The following VTI1A variants were observed in gnomAD, a reference collection of about 807,000 sequenced individuals.
The protein encoded by VTI1A is vesicle transport through interaction with t-SNAREs 1A.
Under a neutral mutation model 34.9 loss-of-function variants are expected in VTI1A, and 22 were observed. That is an observed-to-expected ratio of 0.63 (90% CI 0.45 to 0.90). The LOEUF (loss-of-function observed/expected upper bound fraction) is 0.90, where lower values mean the gene tolerates loss of function less well. Among genes scored for constraint, VTI1A ranks in the 40% least tolerant of loss-of-function variants. VTI1A has a pLI of 0.00. For missense variants in VTI1A, 268 were observed against 275.6 expected (o/e 0.97, Z 0.20); for synonymous variants, 87 against 97.3 (o/e 0.89, Z 0.62).
chr10:112,741,501 C>G (rs572588365), intron 7 of VTI1A, among the ~76,000 whole-genome samples: 2 of 152,166 alleles, frequency 1.3e-5, no homozygotes, highest in African/African-American at 4.8e-5. Context: ...TGATGAAAGT[C>G]TTCTAAAATT....
the VTI1A span, among the ~76,000 whole-genome samples, chr10:112,833,470 A>AGG: frequency 6.6e-6 from 1 of 151,970 alleles, no homozygotes; most frequent in Non-Finnish European, 1.5e-5. Flanking sequence ...GAAGACTCCT[A>AGG]AGTTCTGGCC....
chr10:112,733,607 A>G (rs539289647), intron 7 of VTI1A, among the ~76,000 whole-genome samples: 1 of 152,222 alleles, frequency 6.6e-6, no homozygotes, highest in African/African-American at 2.4e-5. Flanking sequence ...TGTCATCATC[A>G]TCTATGGAAG....
intron 4 of VTI1A, among the ~76,000 whole-genome samples, chr10:112,531,061 C>CCACACACACACACACACACACA (rs748909123): frequency 1.1e-5 from 1 of 90,240 alleles, no homozygotes; most frequent in Admixed American, 1.2e-4. Context: ...ACGTGACACA[C>CCACACACACACACACACACACA]CTCACACACA....
intron 5 of VTI1A, among the ~76,000 whole-genome samples, chr10:112,595,568 T>C (rs200128986): frequency 6.6e-6 from 1 of 151,872 alleles, no homozygotes; most frequent in South Asian, 2.1e-4. Context: ...AAAATGCTCA[T>C]TATCACTGGC....
chr10:112,545,013 G>A (rs1328705241), intron 5 of VTI1A, among the ~76,000 whole-genome samples: 1 of 152,198 alleles, frequency 6.6e-6, no homozygotes, highest in Non-Finnish European at 1.5e-5. Context: ...GGAGAACAGG[G>A]ATTGGAGTGG....
chr10:112,722,251 A>G (rs563675412), intron 7 of VTI1A, among the ~76,000 whole-genome samples: 5 of 152,294 alleles, frequency 3.3e-5, no homozygotes, highest in East Asian at 1.9e-4. Flanking sequence ...AGATTTGACT[A>G]TCGCAAGGAC....
chr10:112,560,252 G>T (rs1373453774), intron 5 of VTI1A, among the ~76,000 whole-genome samples: 1 of 152,084 alleles, frequency 6.6e-6, no homozygotes, highest in Admixed American at 6.6e-5. Flanking sequence ...ACTTACTAGG[G>T]TTTTTTTAAA....
At chr10:112,692,663 A>G (rs539502686) in intron 7 of VTI1A, among the ~76,000 whole-genome samples, 3 of 152,164 alleles carry the variant, frequency 2.0e-5, no homozygotes, top group Non-Finnish European at 4.4e-5. Context: ...GCTTTATCGC[A>G]CAGAGTATTG....
intron 3 of VTI1A, among the ~76,000 whole-genome samples, chr10:112,467,433 A>C (rs1847932947): frequency 6.6e-6 from 1 of 152,174 alleles, no homozygotes; most frequent in Non-Finnish European, 1.5e-5. Context: ...GCTACACATA[A>C]AATATCCTAA....
At chr10:112,649,091 T>A (rs1846911470) in intron 5 of VTI1A, among the ~76,000 whole-genome samples, 1 of 152,168 alleles carries the variant, frequency 6.6e-6, no homozygotes, top group Admixed American at 6.6e-5. Context: ...TAATAAAGAT[T>A]TGTCTTAATC....
intron 5 of VTI1A, among the ~76,000 whole-genome samples, chr10:112,588,421 T>C (rs1356563729): frequency 1.3e-5 from 2 of 152,204 alleles, no homozygotes; most frequent in African/African-American, 4.8e-5. Context: ...CACAGTAGTA[T>C]ATTTGTAGGA....
At position 112,818,537 on chromosome 10, in the gene VTI1A, A is replaced by G; in HGVS notation, c.*3154A>G. ...AGGAAAACAGCCTGCCTGCTGCTGTATTTGAAGTTGTAATGGTGTCAAAAA... is the reference window on the plus strand; with the variant it reads ...AGGAAAACAGCCTGCCTGCTGCTGTGTTTGAAGTTGTAATGGTGTCAAAAA... On this transcript the variant is annotated 3_prime_UTR_variant, in exon 8 of 8. Transcript: ENST00000393077. 1 of 225,952 alleles carries G rather than the reference A, an allele frequency of 4.4e-6. No individual in the cohort carries two copies. The highest frequency in any genetic ancestry group is 6.4e-5 in the East Asian group (1 of 15,636). The allele number at this position is 225,952 out of a possible 1,614,324, so 14.0% of individuals were successfully genotyped here. A position where few individuals can be genotyped will look rare whatever the true frequency, so the allele number is the denominator to read the frequency against.
chr10:112,463,627 TAAA>T (rs77183033), intron 2 of VTI1A, among the ~76,000 whole-genome samples: 2 of 144,154 alleles, frequency 1.4e-5, no homozygotes, highest in African/African-American at 2.5e-5. Flanking sequence ...AGCAGGTTGT[TAAA>T]AAAAAAAAAA....
chr10:112,572,826 G>T (rs1359832441), intron 5 of VTI1A, among the ~76,000 whole-genome samples: 1 of 139,598 alleles, frequency 7.2e-6, no homozygotes, highest in Admixed American at 7.5e-5. Context: ...GCGACAGAGC[G>T]AGACTCCGTC....
rs12242366 is a variant in VTI1A, at chr10:112,691,088, G to T, written c.560+22090G>T. On this transcript the variant is annotated intron_variant, in intron 7 of 7. Transcript: ENST00000393077. ...TTCAAGAACAGGCTGGCGAAACCCC[G>T]TCTCTACTAAAAATACAAAAAAATT... Among the ~76,000 whole-genome samples the T allele has an allele frequency of 6.4e-3, 971 of 151,894 alleles. 13 individuals are homozygous for T. The highest frequency in any genetic ancestry group is 0.023 in the African/African-American group (942 of 41,428).
intron 7 of VTI1A, among the ~76,000 whole-genome samples, chr10:112,715,234 T>C (rs1849565051): frequency 6.6e-6 from 1 of 152,204 alleles, no homozygotes; most frequent in Non-Finnish European, 1.5e-5. Context: ...TGAATTTTAA[T>C]ACTTCCTGAA....
At chr10:112,795,589 C>T (rs915857608) in intron 7 of VTI1A, among the ~76,000 whole-genome samples, 14 of 151,918 alleles carry the variant, frequency 9.2e-5, no homozygotes, top group African/African-American at 2.2e-4. Context: ...CATGTGCCAG[C>T]GCACCCAGCT....
Position 112,596,562 on chromosome 10 carries a change from A to G in VTI1A, c.427+58232A>G, listed in dbSNP as rs1346201856. 2.6e-5 allele frequency among the ~76,000 whole-genome samples: 4 copies of G among 152,272 alleles called. 1 individual carries two copies. In the South Asian group the frequency reaches 8.3e-4, roughly 32 times the overall value. On this transcript the variant is annotated intron_variant, in intron 5 of 7. Transcript: ENST00000393077. ...GGCTATTTCTTAGTGATAAATTTTTAAAAACAAAATTGCTGGGCTGAAAAA... is the reference window on the plus strand; with the variant it reads ...GGCTATTTCTTAGTGATAAATTTTTGAAAACAAAATTGCTGGGCTGAAAAA...
intron 5 of VTI1A, among the ~76,000 whole-genome samples, chr10:112,645,012 T>C (rs1436289830): frequency 6.6e-6 from 1 of 152,246 alleles, no homozygotes; most frequent in Non-Finnish European, 1.5e-5. Flanking sequence ...AACGTATAGA[T>C]GAGGAAGGAA....
Sources: gnomAD v4.1 joint callset for allele counts (sites outside exome capture counted in the v4.1 genomes callset) on GRCh38, gnomAD v4.1.1 for gene constraint, MANE v1.5 for transcripts, NCBI Gene and HGNC (gene_info 2026-07-23, HGNC 2026-07-21) for gene names.